The following MIA2 variants were observed in gnomAD, a reference collection of about 807,000 sequenced individuals.
MIA2 encodes melanoma inhibitory activity protein 2.
A neutral mutation model predicts 167.8 loss-of-function variants in MIA2; 127 were observed. The observed-to-expected ratio is 0.76, with a 90% CI of 0.66 to 0.88. MIA2 has a LOEUF of 0.88. Among genes scored for constraint, MIA2 ranks in the 40% least tolerant of loss-of-function variants. MIA2 has a pLI of 0.00. For synonymous variants in MIA2, 552 were observed against 541.9 expected (o/e 1.02, Z -0.26); for missense variants, 1,690 against 1,624.7 (o/e 1.04, Z -0.69).
intron 9 of MIA2, among the ~76,000 whole-genome samples, chr14:39,287,820 C>T (rs1012979891): frequency 8.3e-4 from 127 of 152,218 alleles, no homozygotes; most frequent in Non-Finnish European, 3.1e-4. Context: ...CTCGGCCTCC[C>T]AAAGTGCTGG....
Position 39,277,031 on chromosome 14 carries a change from C to T in MIA2, c.1985C>T (p.Ala662Val). 6.2e-7 allele frequency: 1 copy of T among 1,613,698 alleles called. No individual in the cohort carries two copies. Among genetic ancestry groups the T allele is most frequent in the South Asian group, 1.1e-5 (1 of 91,054 alleles). The change falls in exon 7 of 29, where the codon GCT becomes GTT. Residue 662 changes from alanine to valine, a missense_variant. Ala to Val is a moderately conservative substitution (Grantham distance 64, BLOSUM62 0). Coordinates refer to ENST00000640607, the MANE Select transcript of MIA2 (RefSeq NM_001329214.4). ...VICAAVVGFF[A>V]VLFFLWRSFR... is the part of the protein sequence containing the mutation. ...TGTGCAGCTGTTGTTGGATTTTTTGCTGTTCTCTTTTTTTTGTGGAGAAGT... is the reference window on the plus strand; with the variant it reads ...TGTGCAGCTGTTGTTGGATTTTTTGTTGTTCTCTTTTTTTTGTGGAGAAGT...
intron 6 of MIA2, among the ~76,000 whole-genome samples, chr14:39,260,626 G>A (rs2055055954): frequency 6.6e-6 from 1 of 152,176 alleles, no homozygotes; most frequent in South Asian, 2.1e-4. Context: ...CAGATGGGTA[G>A]ATTGCAAAAA....
chr14:39,276,795 A>AAATG, intron 6 of MIA2, 139 bp from the exon 7 acceptor site: 1 of 845,914 alleles, frequency 1.2e-6, no homozygotes, highest in Non-Finnish European at 1.8e-6. Flanking sequence ...GTTGACAAAA[A>AAATG]AATGTACTCT....
intron 7 of MIA2, among the ~76,000 whole-genome samples, 162 bp downstream of exon 7, chr14:39,277,227 G>T (rs1401629722): frequency 1.3e-5 from 2 of 151,098 alleles, no homozygotes; most frequent in African/African-American, 2.4e-5. Flanking sequence ...AGAGATGAGG[G>T]TCAGGAATGA....
At chr14:39,340,706 T>G (rs975266167) in intron 25 of MIA2, among the ~76,000 whole-genome samples, 3 of 152,238 alleles carry the variant, frequency 2.0e-5, no homozygotes, top group African/African-American at 7.2e-5. Context: ...CAGAGGATGA[T>G]ATTTACTTAA....
intron 25 of MIA2, among the ~76,000 whole-genome samples, chr14:39,333,091 T>C (rs900312475): frequency 2.0e-5 from 3 of 152,214 alleles, no homozygotes; most frequent in African/African-American, 7.2e-5. Context: ...CCATTGAGTA[T>C]ATTAGTTTTA....
chr14:39,308,703 T>C, intron 18 of MIA2, 116 bp downstream of exon 18: 1 of 852,108 alleles, frequency 1.2e-6, no homozygotes, highest in Non-Finnish European at 1.7e-6. Context: ...TAGATTGTAT[T>C]TCATCAACTT....
At position 39,347,748 on chromosome 14, in the gene MIA2, AATG is replaced by A. The variant is rs2073624296; in HGVS notation, c.3817_3819del (p.Asp1273del). 3.1e-6 allele frequency: 5 copies of A among 1,613,062 alleles called. No homozygotes were observed. The highest frequency in any genetic ancestry group is 3.4e-6 in the Non-Finnish European group (4 of 1,179,644). On this transcript the variant is annotated inframe_deletion, in exon 27 of 29. Transcript: ENST00000640607. ...GCCTTCAGAAATGGAATCCAGTAGA[AATG>A]ATACCAAAGATGATCTTGGTGTAAG...
intron 6 of MIA2, chr14:39,266,918 C>A (rs1594773399): frequency 1.5e-6 from 1 of 652,616 alleles, no homozygotes; most frequent in Non-Finnish European, 1.9e-6. Flanking sequence ...GAGGCGGGTG[C>A]CCTTGGGACA....
downstream of MIA2, among the ~76,000 whole-genome samples, chr14:39,355,570 C>T (rs1319218627): frequency 2.0e-5 from 3 of 152,218 alleles, no homozygotes; most frequent in South Asian, 2.1e-4. Flanking sequence ...ATTGCCCTGG[C>T]CGGAACTTCG....
At chr14:39,291,222 C>G in intron 10 of MIA2, 126 bp downstream of exon 10, 1 of 707,736 alleles carries the variant, frequency 1.4e-6, no homozygotes, top group South Asian at 2.7e-5. Context: ...GATGTTAAAA[C>G]TTAAATAAGA....
intron 9 of MIA2, among the ~76,000 whole-genome samples, chr14:39,287,065 T>A (rs1310097728): frequency 3.3e-5 from 5 of 151,406 alleles, no homozygotes; most frequent in Non-Finnish European, 7.4e-5. Context: ...TGATAGTACT[T>A]CCAGTACTAT....
intron 7 of MIA2, among the ~76,000 whole-genome samples, chr14:39,278,951 A>C (rs1441112057): frequency 6.6e-6 from 1 of 152,172 alleles, no homozygotes; most frequent in East Asian, 1.9e-4. Flanking sequence ...ACCTGAGGTC[A>C]GGAGTTCCAG....
chr14:39,334,525 A>AT (rs1457429909), intron 25 of MIA2, among the ~76,000 whole-genome samples: 1 of 151,526 alleles, frequency 6.6e-6, no homozygotes, highest in Non-Finnish European at 1.5e-5. Context: ...CTTTTCTTTT[A>AT]TGTTGTGTTT....
At chr14:39,263,422 C>T (rs578197890) in intron 6 of MIA2, among the ~76,000 whole-genome samples, 4 of 149,476 alleles carry the variant, frequency 2.7e-5, no homozygotes, top group Admixed American at 1.3e-4. Context: ...TTTGTAGAGA[C>T]GAGAGCTCAC....
chr14:39,258,819 T>C (rs2054937022), intron 6 of MIA2, among the ~76,000 whole-genome samples: 1 of 152,246 alleles, frequency 6.6e-6, no homozygotes, highest in Non-Finnish European at 1.5e-5. Context: ...TTGTTAGTTT[T>C]CCTTCTAACA....
chr14:39,284,290 C>G (rs996587324), intron 9 of MIA2, among the ~76,000 whole-genome samples: 1 of 152,136 alleles, frequency 6.6e-6, no homozygotes, highest in African/African-American at 2.4e-5. Context: ...AGTTTTCTCA[C>G]TACCATTTAT....
At chr14:39,285,717 T>TCCC (rs1287336536) in intron 9 of MIA2, among the ~76,000 whole-genome samples, 10 of 48,744 alleles carry the variant, frequency 2.1e-4, no homozygotes, top group South Asian at 7.0e-4. Flanking sequence ...CGCTCCTCAC[T>TCCC]TCCCAGACGG....
chr14:39,243,587 TG>T (rs2054158277), intron 3 of MIA2, among the ~76,000 whole-genome samples: 1 of 152,042 alleles, frequency 6.6e-6, no homozygotes, highest in South Asian at 2.1e-4. Context: ...AGAACCAGGC[TG>T]GGGGTGGTGG....
Sources: allele counts gnomAD v4.1 joint callset (sites outside exome capture counted in the v4.1 genomes callset), GRCh38; gene constraint gnomAD v4.1.1; transcripts MANE v1.5; gene names NCBI Gene and HGNC (gene_info 2026-07-23, HGNC 2026-07-21).